The following ALG5 variants were observed in gnomAD, a reference collection of about 807,000 sequenced individuals.
The protein encoded by ALG5 is dolichyl-phosphate beta-glucosyltransferase.
In ALG5, 26 loss-of-function variants were observed where a neutral mutation model predicts 51.8. The observed-to-expected ratio is 0.50, with a 90% CI of 0.37 to 0.70. The LOEUF is 0.70. ALG5 is among the 30% of genes least tolerant of loss of function. The pLI, the probability that ALG5 is intolerant of heterozygous loss-of-function variation, is 0.00. For synonymous variants in ALG5, 141 were observed against 136.1 expected, an observed-to-expected ratio of 1.04 and a Z score of -0.25; for missense variants, 311 against 399.3, an observed-to-expected ratio of 0.78 and a Z score of 1.88.
intron 4 of ALG5, among the ~76,000 whole-genome samples, chr13:36,990,377 G>A (rs148079446): frequency 1.3e-5 from 2 of 152,206 alleles, no homozygotes; most frequent in Admixed American, 1.3e-4. Flanking sequence ...ACAGGCAGCT[G>A]TAAAGTTGCT....
intron 4 of ALG5, 142 bp from the exon 5 acceptor site, chr13:36,989,718 T>A: frequency 1.6e-6 from 1 of 614,350 alleles, no homozygotes; most frequent in Non-Finnish European, 2.8e-6. Flanking sequence ...TACATTCTGA[T>A]GACCTGGAGG....
chr13:36,964,424 C>T (rs958683600), intron 8 of ALG5, among the ~76,000 whole-genome samples: 1 of 152,102 alleles, frequency 6.6e-6, no homozygotes, highest in African/African-American at 2.4e-5. Context: ...AACACAAAAG[C>T]TAAAATCAAC....
chr13:36,963,754 T>C (rs984310037), intron 8 of ALG5, among the ~76,000 whole-genome samples: 5 of 152,214 alleles, frequency 3.3e-5, no homozygotes, highest in Non-Finnish European at 5.9e-5. Context: ...GGGGGTTATA[T>C]GGCATATATT....
chr13:36,998,999 A>G (rs1053141324), intron 1 of ALG5: 6 of 399,428 alleles, frequency 1.5e-5, no homozygotes, highest in South Asian at 8.9e-5. Context: ...CTCCAGTGTG[A>G]AAAAACTTAC....
chr13:36,952,548 T>G lies in ALG5; in HGVS notation c.825A>C (p.Ile275=). ...CTGTCCAGTTGACAGCAATTTCTGC[T>G]ATTGGAATTTTAAAGAACTGTGCTA... ...LYIAQFFKIP[I]AEIAVNWTEI... The change falls in exon 9 of 10, where the codon ATA becomes ATC. Residue 275 remains isoleucine, a synonymous_variant. Transcript: ENST00000239891. 1 of 1,600,518 alleles carries G rather than the reference T, an allele frequency of 6.2e-7. No individual in the cohort carries two copies. The highest frequency in any genetic ancestry group is 8.5e-7 in the Non-Finnish European group (1 of 1,174,940).
At chr13:36,965,789 A>C (rs2058890519) in intron 7 of ALG5, 63 bp from the exon 8 acceptor site, 10 of 1,431,638 alleles carry the variant, frequency 7.0e-6, no homozygotes, top group Middle Eastern at 2.3e-4. Context: ...CACTGAAAAC[A>C]CCTGGCTGTA....
chr13:36,976,460 T>C (rs1391422958), intron 6 of ALG5, among the ~76,000 whole-genome samples: 2 of 149,362 alleles, frequency 1.3e-5, no homozygotes, highest in African/African-American at 2.5e-5. Context: ...AGAAAAGAAT[T>C]TTCTTAGCTG....
chr13:36,993,601 T>C lies in ALG5; in HGVS notation c.354+3A>G. On this transcript the variant is annotated splice_donor_region_variant and intron_variant, in intron 4 of 9. Coordinates refer to ENST00000239891, the MANE Select transcript of ALG5 (RefSeq NM_013338.5). ...TGTCAATTCTAAAAGCAAGTGTATT[T>C]ACCTTTGAGGTCTGATCTTTACTGC... 6.2e-7 allele frequency: 1 copy of C among 1,611,706 alleles called. No homozygotes were observed. Among genetic ancestry groups the C allele is most frequent in the Non-Finnish European group, 8.5e-7 (1 of 1,177,996 alleles).
At chr13:36,986,790 A>G (rs552348152) in intron 5 of ALG5, among the ~76,000 whole-genome samples, 38 of 152,274 alleles carry the variant, frequency 2.5e-4, no homozygotes, top group African/African-American at 9.1e-4. Context: ...AGCCTGATAT[A>G]GTGGCACATG....
At chr13:36,962,819 T>C (rs1374258300) in intron 8 of ALG5, among the ~76,000 whole-genome samples, 2 of 152,154 alleles carry the variant, frequency 1.3e-5, no homozygotes, top group African/African-American at 4.8e-5. Context: ...TAGTCTGAAT[T>C]GAGATGTGCT....
At chr13:36,976,998 G>A (rs1012878795) in intron 6 of ALG5, among the ~76,000 whole-genome samples, 1 of 152,150 alleles carries the variant, frequency 6.6e-6, no homozygotes, top group Non-Finnish European at 1.5e-5. Context: ...CATGAGTAGA[G>A]TTAAAATACC....
intron 8 of ALG5, among the ~76,000 whole-genome samples, chr13:36,955,069 G>A (rs2058833690): frequency 6.6e-6 from 1 of 152,216 alleles, no homozygotes; most frequent in Non-Finnish European, 1.5e-5. Context: ...GGGGCTGCAA[G>A]TAGGACTCAC....
intron 1 of ALG5, 54 bp downstream of exon 1, chr13:36,999,181 T>C (rs2059071017): frequency 1.4e-6 from 2 of 1,449,164 alleles, no homozygotes; most frequent in Admixed American, 2.4e-5. Flanking sequence ...GGAGCCGCAG[T>C]CTCCAGGAGA....
At chr13:36,954,369 A>AT (rs2058831040) in intron 8 of ALG5, among the ~76,000 whole-genome samples, 1 of 151,758 alleles carries the variant, frequency 6.6e-6, no homozygotes, top group Non-Finnish European at 1.5e-5. Context: ...TAATTTTTGT[A>AT]TTTTTTGTAG....
intron 1 of ALG5, chr13:36,999,032 A>G (rs747970504): frequency 4.5e-6 from 2 of 439,916 alleles, no homozygotes; most frequent in Non-Finnish European, 3.9e-6. Flanking sequence ...ACACAAAGAG[A>G]TAAGATTCCA....
chr13:36,954,086 AG>A (rs2058829621), intron 8 of ALG5, among the ~76,000 whole-genome samples: 2 of 151,842 alleles, frequency 1.3e-5, no homozygotes, highest in Non-Finnish European at 2.9e-5. Context: ...CTAGACCAAA[AG>A]GGTTTTTCGG....
At chr13:36,982,190 G>T (rs2058982874) in intron 6 of ALG5, among the ~76,000 whole-genome samples, 1 of 152,204 alleles carries the variant, frequency 6.6e-6, no homozygotes, top group South Asian at 2.1e-4. Flanking sequence ...TCTCTGAAGG[G>T]CTGTCACAAA....
intron 2 of ALG5, 65 bp from the exon 3 acceptor site, chr13:36,995,100 C>T: frequency 7.2e-7 from 1 of 1,393,608 alleles, no homozygotes; most frequent in Admixed American, 1.8e-5. Flanking sequence ...GCACATTCAG[C>T]TTACATACAG....
In ALG5 at chr13:36,993,243, C is replaced by T. The variant is rs115561724; in HGVS notation, c.354+361G>A. ...CACACCTGCTTCCCAGGGGCTGGTA[C>T]GAAAGCAGCTTTCTATTGGCGTGAC... On this transcript the variant is annotated intron_variant, in intron 4 of 9. Coordinates refer to ENST00000239891, the MANE Select transcript of ALG5 (RefSeq NM_013338.5). Among the ~76,000 whole-genome samples the T allele has an allele frequency of 4.2e-3, 644 of 152,240 alleles. 5 individuals are homozygous for T. Among genetic ancestry groups the T allele is most frequent in the African/African-American group, 0.015 (607 of 41,532 alleles).
Sources: allele counts gnomAD v4.1 joint callset (sites outside exome capture counted in the v4.1 genomes callset), GRCh38; gene constraint gnomAD v4.1.1; transcripts MANE v1.5; gene names NCBI Gene and HGNC (gene_info 2026-07-23, HGNC 2026-07-21).